SNX3: variants seen among roughly 807,000 people sequenced by gnomAD.
SNX3 encodes the protein sorting nexin-3.
SNX3 carries 5 observed loss-of-function variants against 17.7 expected under a neutral mutation model. The observed-to-expected ratio is 0.28, with a 90% CI of 0.15 to 0.59. The LOEUF is 0.59. Ranked by LOEUF, SNX3 falls within the 20% of genes least tolerant of loss-of-function variation. The pLI, the probability that SNX3 is intolerant of heterozygous loss-of-function variation, is 0.88. For synonymous variants in SNX3, 91 were observed against 76.5 expected, an observed-to-expected ratio of 1.19 and a Z score of -0.99; for missense variants, 132 against 206.8, an observed-to-expected ratio of 0.64 and a Z score of 2.22.
intron 1 of SNX3, among the ~76,000 whole-genome samples, chr6:108,243,696 C>T (rs1203741504): frequency 6.6e-6 from 1 of 151,978 alleles, no homozygotes; most frequent in Non-Finnish European, 1.5e-5. Context: ...TTTAGGAAGC[C>T]GAGGGCGGGG....
At chr6:108,222,567 A>G (rs1774827934) in intron 2 of SNX3, among the ~76,000 whole-genome samples, 1 of 152,194 alleles carries the variant, frequency 6.6e-6, no homozygotes, top group Non-Finnish European at 1.5e-5. Context: ...GATGAAAAAA[A>G]CTTATATGTC....
chr6:108,213,266 A>G lies in SNX3; in HGVS notation c.384-1012T>C, dbSNP rs185615733. Among the ~76,000 whole-genome samples, 284 of 152,252 alleles carry G rather than the reference A, an allele frequency of 1.9e-3. 2 individuals are homozygous for G. The highest frequency in any genetic ancestry group is 6.6e-3 in the African/African-American group (274 of 41,544). ...AAGTTCAATAAAAGCCCAAAATACT[A>G]AAAAAACAGGCACAAATATCCAGGT... On this transcript the variant is annotated intron_variant, in intron 3 of 3. Coordinates refer to ENST00000230085, the MANE Select transcript of SNX3 (RefSeq NM_003795.6).
At chr6:108,257,064 T>C (rs1244752247) in intron 1 of SNX3, among the ~76,000 whole-genome samples, 1 of 152,202 alleles carries the variant, frequency 6.6e-6, no homozygotes, top group Non-Finnish European at 1.5e-5. Context: ...TCAGATCCTG[T>C]AAAACTGTAA....
At chr6:108,222,053 G>A (rs1193370689) in intron 2 of SNX3, among the ~76,000 whole-genome samples, 1 of 151,824 alleles carries the variant, frequency 6.6e-6, no homozygotes, top group Non-Finnish European at 1.5e-5. Flanking sequence ...CACCATGCCC[G>A]GCCTTCTTTA....
intron 1 of SNX3, among the ~76,000 whole-genome samples, chr6:108,226,373 CAA>C (rs1418051907): frequency 6.6e-6 from 1 of 152,032 alleles, no homozygotes; most frequent in Non-Finnish European, 1.5e-5. Flanking sequence ...CGTGCCCAGC[CAA>C]AAAGATTTTA....
chr6:108,247,984 T>C (rs935555155), intron 1 of SNX3, among the ~76,000 whole-genome samples: 4 of 152,032 alleles, frequency 2.6e-5, no homozygotes, highest in Non-Finnish European at 5.9e-5. Flanking sequence ...AAATTATACA[T>C]TATATATAAA....
intron 1 of SNX3, among the ~76,000 whole-genome samples, chr6:108,254,869 T>C (rs1185639006): frequency 6.6e-6 from 1 of 152,044 alleles, no homozygotes; most frequent in African/African-American, 2.4e-5. Flanking sequence ...GAGGAGGAAG[T>C]GTGTGCAAAA....
intron 2 of SNX3, chr6:108,222,462 C>A: frequency 1.5e-6 from 1 of 687,760 alleles, no homozygotes; most frequent in Non-Finnish European, 2.1e-6. Context: ...TCATGGCCAT[C>A]ATTTAAAAAC....
chr6:108,259,127 G>A (rs1776114023), intron 1 of SNX3, among the ~76,000 whole-genome samples: 1 of 152,216 alleles, frequency 6.6e-6, no homozygotes, highest in African/African-American at 2.4e-5. Context: ...CAGACAATTA[G>A]AAAAACATTC....
Position 108,234,238 on chromosome 6 carries a change from C to CATAT in SNX3, c.163-11197_163-11194dup, listed in dbSNP as rs10655859. On this transcript the variant is annotated intron_variant, in intron 1 of 3. Coordinates refer to ENST00000230085, the MANE Select transcript of SNX3 (RefSeq NM_003795.6). ...AGGCAAAATTAAAATATATAAAAAA[C>CATAT]ATATATATATATATATAACATATAC... Among the ~76,000 whole-genome samples, 1,046 of 148,218 alleles carry CATAT rather than the reference C, an allele frequency of 7.1e-3. 15 individuals are homozygous for CATAT. Among genetic ancestry groups the CATAT allele is most frequent in the African/African-American group, 0.024 (954 of 40,036 alleles).
intron 1 of SNX3, among the ~76,000 whole-genome samples, chr6:108,254,763 T>C (rs970853093): frequency 1.3e-5 from 2 of 152,106 alleles, no homozygotes; most frequent in African/African-American, 4.8e-5. Flanking sequence ...AGTCAAGGGA[T>C]CAGCAAAATC....
intron 1 of SNX3, among the ~76,000 whole-genome samples, chr6:108,259,522 G>T (rs1776126345): frequency 4.6e-5 from 7 of 152,166 alleles, no homozygotes; most frequent in Admixed American, 4.6e-4. Context: ...ATGAGCCACC[G>T]CGCCCGGCCT....
chr6:108,213,506 G>C (rs1171550931), intron 3 of SNX3, among the ~76,000 whole-genome samples: 2 of 151,954 alleles, frequency 1.3e-5, no homozygotes, highest in African/African-American at 4.8e-5. Flanking sequence ...ACAAAAATAA[G>C]CCAGACACGA....
intron 1 of SNX3, among the ~76,000 whole-genome samples, chr6:108,231,945 G>A (rs1775172720): frequency 6.6e-6 from 1 of 152,278 alleles, no homozygotes; most frequent in Non-Finnish European, 1.5e-5. Flanking sequence ...AATTAAACAA[G>A]GGTTTATAGT....
intron 3 of SNX3, among the ~76,000 whole-genome samples, chr6:108,212,882 CTTTTTTTTTT>C (rs776376957): frequency 1.7e-5 from 2 of 118,956 alleles, no homozygotes; most frequent in African/African-American, 6.2e-5. Flanking sequence ...TCCTAAGAAT[CTTTTTTTTTT>C]TTTTTTTTTT....
chr6:108,255,647 G>A (rs1216932725), intron 1 of SNX3, among the ~76,000 whole-genome samples: 1 of 152,076 alleles, frequency 6.6e-6, no homozygotes, highest in Non-Finnish European at 1.5e-5. Flanking sequence ...CACCGTGCCC[G>A]ACCCCCCGAT....
At chr6:108,254,850 T>C (rs1775984674) in intron 1 of SNX3, among the ~76,000 whole-genome samples, 1 of 152,186 alleles carries the variant, frequency 6.6e-6, no homozygotes, top group African/African-American at 2.4e-5. Flanking sequence ...AGGAAGCCTG[T>C]TCTTAACAGA....
intron 1 of SNX3, among the ~76,000 whole-genome samples, chr6:108,223,535 TCTCACTGTCGCC>T (rs1345890975): frequency 2.5e-5 from 3 of 119,964 alleles, no homozygotes; most frequent in Non-Finnish European, 4.8e-5. Flanking sequence ...TGAGACAGAA[TCTCACTGTCGCC>T]CAGGCAGTGA....
chr6:108,237,754 A>G (rs1251146323), intron 1 of SNX3, among the ~76,000 whole-genome samples: 3 of 151,366 alleles, frequency 2.0e-5, no homozygotes, highest in Non-Finnish European at 2.9e-5. Flanking sequence ...GTGGCACTGC[A>G]CTCCAGCCTG....
Sources: allele counts gnomAD v4.1 joint callset (sites outside exome capture counted in the v4.1 genomes callset), GRCh38; gene constraint gnomAD v4.1.1; transcripts MANE v1.5; gene names NCBI Gene and HGNC (gene_info 2026-07-23, HGNC 2026-07-21).